Variants in RBFOX1 observed in about 807,000 individuals in gnomAD.
RBFOX1 encodes the protein RNA binding fox-1 homolog 1.
In RBFOX1, 8 loss-of-function variants were observed where a neutral mutation model predicts 57.7. The ratio of observed to expected loss-of-function variants is 0.14; its 90% CI spans 0.08 to 0.25. The LOEUF is 0.25. Ranked by LOEUF, RBFOX1 falls within the 10% of genes least tolerant of loss-of-function variation. RBFOX1 has a pLI of 1.00. For missense variants in RBFOX1, 611 were observed against 548.5 expected (o/e 1.11, Z -1.14); for synonymous variants, 326 against 222.4 (o/e 1.47, Z -4.15).
At chr16:6,689,952 C>G (rs1002170090) in intron 3 of RBFOX1, among the ~76,000 whole-genome samples, 1 of 152,210 alleles carries the variant, frequency 6.6e-6, no homozygotes, top group South Asian at 2.1e-4. Flanking sequence ...TAAGAGTTGA[C>G]TGTTCCCCAG....
intron 3 of RBFOX1, among the ~76,000 whole-genome samples, chr16:7,036,350 C>A (rs375288082): frequency 1.3e-5 from 2 of 151,998 alleles, no homozygotes; most frequent in Admixed American, 6.6e-5. Flanking sequence ...GGTTTTCTAC[C>A]GCTGTGTTAT....
chr16:5,839,081 C>T (rs1218628927), intron 3 of RBFOX1, among the ~76,000 whole-genome samples: 2 of 152,160 alleles, frequency 1.3e-5, no homozygotes, highest in South Asian at 2.1e-4. Flanking sequence ...AGGAGAACAC[C>T]TACAGCAAAG....
At chr16:6,008,195 A>G (rs1418333348) in intron 4 of RBFOX1, among the ~76,000 whole-genome samples, 2 of 149,784 alleles carry the variant, frequency 1.3e-5, no homozygotes, top group Non-Finnish European at 3.0e-5. Context: ...GCATAGTGAA[A>G]CTGTATCCCC....
chr16:7,061,424 C>T (rs1008916352), intron 4 of RBFOX1, among the ~76,000 whole-genome samples: 7 of 152,086 alleles, frequency 4.6e-5, no homozygotes, highest in African/African-American at 1.7e-4. Flanking sequence ...TTAATTTCTC[C>T]AACTTCATTG....
intron 2 of RBFOX1, among the ~76,000 whole-genome samples, chr16:6,507,170 C>T (rs2096122417): frequency 6.6e-6 from 1 of 152,164 alleles, no homozygotes; most frequent in Admixed American, 6.5e-5. Flanking sequence ...GCAGAGATGG[C>T]TTCCTAGCCA....
intron 1 of RBFOX1, among the ~76,000 whole-genome samples, chr16:5,414,757 C>G (rs1286192394): frequency 1.3e-5 from 2 of 152,156 alleles, no homozygotes; most frequent in Non-Finnish European, 2.9e-5. Flanking sequence ...CTGGTTGGAT[C>G]TTAAGGGTGA....
chr16:6,837,458 C>T (rs2093181510), intron 3 of RBFOX1, among the ~76,000 whole-genome samples: 1 of 152,180 alleles, frequency 6.6e-6, no homozygotes, highest in Non-Finnish European at 1.5e-5. Flanking sequence ...TATTTTGAGC[C>T]ACTCAGAAGG....
chr16:7,486,117 C>CTTTTTTTTTTTTTTTTTTTT, intron 4 of RBFOX1, among the ~76,000 whole-genome samples: 1 of 77,302 alleles, frequency 1.3e-5, no homozygotes, highest in Non-Finnish European at 2.3e-5. Context: ...GTGTTTGTGT[C>CTTTTTTTTTTTTTTTTTTTT]TTTTTTTTTT....
intron 1 of RBFOX1, among the ~76,000 whole-genome samples, chr16:5,403,074 G>T (rs564793738): frequency 1.5e-4 from 23 of 152,134 alleles, no homozygotes; most frequent in African/African-American, 5.5e-4. Flanking sequence ...ACTACGGGCG[G>T]GGCATGGTGA....
intron 2 of RBFOX1, among the ~76,000 whole-genome samples, chr16:6,577,666 C>A (rs2097461015): frequency 6.6e-6 from 1 of 152,142 alleles, no homozygotes; most frequent in African/African-American, 2.4e-5. Context: ...ATAAGTAGTT[C>A]CACATGGTCC....
intron 1 of RBFOX1, among the ~76,000 whole-genome samples, chr16:6,140,497 G>A (rs1240412505): frequency 6.6e-6 from 1 of 152,088 alleles, no homozygotes; most frequent in Admixed American, 6.6e-5. Context: ...TGCCCAGCCA[G>A]AAATGCTTCT....
intron 2 of RBFOX1, among the ~76,000 whole-genome samples, chr16:5,520,297 T>A (rs2043963380): frequency 6.6e-6 from 1 of 152,120 alleles, no homozygotes; most frequent in African/African-American, 2.4e-5. Flanking sequence ...CATGTTCAGG[T>A]AGTAGGAATC....
chr16:5,489,623 T>G (rs28439825), intron 2 of RBFOX1, among the ~76,000 whole-genome samples: 9,090 of 152,256 alleles, frequency 0.06, 901 homozygotes, highest in African/African-American at 0.2. Flanking sequence ...TAGCTGGTGG[T>G]ATTATTGTTG....
At chr16:7,269,581 C>T (rs545249362) in intron 4 of RBFOX1, among the ~76,000 whole-genome samples, 2 of 152,154 alleles carry the variant, frequency 1.3e-5, no homozygotes, top group East Asian at 1.9e-4. Context: ...TTTTACCATG[C>T]CATGAATCAT....
At chr16:6,541,160 C>G (rs889519431) in intron 2 of RBFOX1, among the ~76,000 whole-genome samples, 1 of 152,176 alleles carries the variant, frequency 6.6e-6, no homozygotes, top group African/African-American at 2.4e-5. Flanking sequence ...TAGTAGGACA[C>G]AGATGAGAAC....
intron 2 of RBFOX1, among the ~76,000 whole-genome samples, chr16:6,487,384 G>A (rs2095508429): frequency 1.3e-5 from 2 of 151,980 alleles, no homozygotes; most frequent in African/African-American, 4.8e-5. Context: ...AGGGTATTGG[G>A]AGGGTCTCCA....
At chr16:6,784,386 T>C (rs1394761326) in intron 3 of RBFOX1, among the ~76,000 whole-genome samples, 12 of 152,276 alleles carry the variant, frequency 7.9e-5, no homozygotes, top group African/African-American at 2.9e-4. Context: ...GCTTCACCAA[T>C]TTTGCTGTTG....
intron 3 of RBFOX1, among the ~76,000 whole-genome samples, chr16:6,742,180 T>A (rs2072377265): frequency 6.6e-6 from 1 of 152,140 alleles, no homozygotes; most frequent in African/African-American, 2.4e-5. Flanking sequence ...TAAAGTGACT[T>A]GAAGAAATAT....
rs527312079 is a variant in RBFOX1 at position 7,532,232 on chromosome 16, T to G, written c.270+13843T>G. Among the ~76,000 whole-genome samples the G allele has an allele frequency of 1.4e-3, 211 of 145,966 alleles. 1 individual carries two copies. Among genetic ancestry groups the G allele is most frequent in the African/African-American group, 5.1e-3 (200 of 38,968 alleles). On this transcript the variant is annotated intron_variant, in intron 5 of 15. Coordinates refer to ENST00000550418, the MANE Select transcript of RBFOX1 (RefSeq NM_018723.4). ...CTCTTCCCTCTAATTGGCTTGCAAG[T>G]GGGAGTTGGGTTAGCAGTTATGCCG...
Sources: gnomAD v4.1 joint callset for allele counts (sites outside exome capture counted in the v4.1 genomes callset) on GRCh38, gnomAD v4.1.1 for gene constraint, MANE v1.5 for transcripts, NCBI Gene and HGNC (gene_info 2026-07-23, HGNC 2026-07-21) for gene names.